Variants in FOXP1 observed in about 807,000 individuals in gnomAD.
FOXP1 encodes the protein forkhead box P1.
FOXP1 carries 15 observed loss-of-function variants against 98.2 expected under a neutral mutation model. The observed-to-expected ratio is 0.15, with a 90% CI of 0.10 to 0.24. The LOEUF (loss-of-function observed/expected upper bound fraction) is 0.24, where lower values mean the gene tolerates loss of function less well. Ranked by LOEUF, FOXP1 falls within the 10% of genes least tolerant of loss-of-function variation. The pLI is 1.00. For synonymous variants in FOXP1, 371 were observed against 314.5 expected (o/e 1.18, Z -1.90); for missense variants, 633 against 848.5 (o/e 0.75, Z 3.15).
intron 3 of FOXP1, among the ~76,000 whole-genome samples, chr3:71,427,906 CA>C (rs925555387): frequency 3.9e-5 from 6 of 152,190 alleles, no homozygotes; most frequent in South Asian, 2.1e-4. Context: ...GAATGAAGGT[CA>C]GGGGGGATTC....
intron 4 of FOXP1, among the ~76,000 whole-genome samples, chr3:71,342,683 C>T (rs1006122133): frequency 1.8e-5 from 2 of 114,230 alleles, no homozygotes; most frequent in African/African-American, 5.8e-5. Flanking sequence ...ACAGAGACTC[C>T]GTCTAAAAAA....
chr3:71,519,258 C>A (rs142455961), intron 2 of FOXP1, among the ~76,000 whole-genome samples: 3 of 152,258 alleles, frequency 2.0e-5, no homozygotes, highest in South Asian at 2.1e-4. Context: ...AACTAACTAA[C>A]TAAATAAATA....
At chr3:70,994,729 C>T (rs2041121761) in intron 13 of FOXP1, among the ~76,000 whole-genome samples, 2 of 152,210 alleles carry the variant, frequency 1.3e-5, no homozygotes, top group Admixed American at 6.5e-5. Flanking sequence ...ACCTCCACCC[C>T]CGTCGCCTGC....
chr3:71,567,366 C>T lies in FOXP1; in HGVS notation c.-298+14183G>A, dbSNP rs1188372905. Reference sequence around the variant, plus strand: ...TTCCATCACTGCCACCGAGATAAACCGAAACGCAGAGACTCCGTCATTTGC... The same window carrying T: ...TTCCATCACTGCCACCGAGATAAACTGAAACGCAGAGACTCCGTCATTTGC... On this transcript the variant is annotated intron_variant, in intron 2 of 20. Coordinates refer to ENST00000649528, the MANE Select transcript of FOXP1 (RefSeq NM_001349338.3). Among the ~76,000 whole-genome samples, 5 of 152,020 alleles carry T rather than the reference C, an allele frequency of 3.3e-5. No individual in the cohort carries two copies. In the East Asian group the frequency reaches 7.8e-4, roughly 24 times the overall value.
At chr3:71,292,211 A>G (rs183095289) in intron 5 of FOXP1, among the ~76,000 whole-genome samples, 31 of 152,240 alleles carry the variant, frequency 2.0e-4, no homozygotes, top group African/African-American at 7.2e-4. Flanking sequence ...CAACCTCCAG[A>G]AAAAAAAGAC....
intron 6 of FOXP1, among the ~76,000 whole-genome samples, chr3:71,128,631 C>G (rs2059379597): frequency 6.6e-6 from 1 of 152,104 alleles, no homozygotes; most frequent in Non-Finnish European, 1.5e-5. Context: ...CAGAATATAG[C>G]CTTCGACAAA....
chr3:71,025,770 T>G (rs546004202), intron 11 of FOXP1, among the ~76,000 whole-genome samples: 1 of 152,304 alleles, frequency 6.6e-6, no homozygotes, highest in South Asian at 2.1e-4. Context: ...TTACCAGATA[T>G]TACACTGATC....
chr3:70,962,152 T>C (rs1327307244), intron 20 of FOXP1, among the ~76,000 whole-genome samples: 1 of 152,248 alleles, frequency 6.6e-6, no homozygotes, highest in Admixed American at 6.5e-5. Context: ...GCAGGAATGC[T>C]ATTTTTTAAA....
chr3:71,436,454 T>C (rs993950250), intron 3 of FOXP1, among the ~76,000 whole-genome samples: 2 of 144,804 alleles, frequency 1.4e-5, no homozygotes, highest in Non-Finnish European at 3.0e-5. Context: ...CCTTCTGGAT[T>C]TAACACTGCA....
intron 2 of FOXP1, among the ~76,000 whole-genome samples, chr3:71,538,775 G>A (rs1236119847): frequency 6.6e-6 from 1 of 152,184 alleles, no homozygotes; most frequent in Non-Finnish European, 1.5e-5. Flanking sequence ...TGGTCATGAA[G>A]AAGATTTATT....
At chr3:71,169,135 G>A (rs985951003) in intron 6 of FOXP1, among the ~76,000 whole-genome samples, 10 of 152,160 alleles carry the variant, frequency 6.6e-5, no homozygotes, top group Non-Finnish European at 1.2e-4. Flanking sequence ...AGGTGGTGCC[G>A]TGACTATCAA....
chr3:71,263,121 G>A (rs1045418028), intron 5 of FOXP1, among the ~76,000 whole-genome samples: 1 of 152,102 alleles, frequency 6.6e-6, no homozygotes, highest in Admixed American at 6.5e-5. Flanking sequence ...CTGCCCTTCA[G>A]AACACCTCTA....
In FOXP1 at chr3:71,236,972, G is replaced by A. The variant is rs138558573; in HGVS notation, c.-11-38580C>T. Among the ~76,000 whole-genome samples, 41 of 151,766 alleles carry A rather than the reference G, an allele frequency of 2.7e-4. No individual in the cohort carries two copies. In the East Asian group the frequency reaches 5.2e-3, roughly 19 times the overall value. On this transcript the variant is annotated intron_variant, in intron 5 of 20. Coordinates refer to ENST00000649528, the MANE Select transcript of FOXP1 (RefSeq NM_001349338.3). ...AATTGGGCCAGGTGCGGTGGCTCAT[G>A]TCTGTAATCCCAGCACTTTGAAAGG...
intron 3 of FOXP1, among the ~76,000 whole-genome samples, chr3:71,420,127 T>C (rs2083523255): frequency 6.6e-6 from 1 of 152,174 alleles, no homozygotes; most frequent in African/African-American, 2.4e-5. Context: ...TTCTTTCTTT[T>C]CTGGCCCACC....
intron 4 of FOXP1, among the ~76,000 whole-genome samples, chr3:71,342,694 A>AAG (rs1017211246): frequency 6.6e-6 from 1 of 151,932 alleles, no homozygotes; most frequent in Non-Finnish European, 1.5e-5. Flanking sequence ...GTCTAAAAAA[A>AAG]AAAAAGCAAA....
chr3:71,194,900 C>T (rs867669796), intron 6 of FOXP1, among the ~76,000 whole-genome samples: 5 of 152,230 alleles, frequency 3.3e-5, no homozygotes, highest in Admixed American at 6.5e-5. Context: ...AGTGTGTTGG[C>T]GGGCTCTACC....
At chr3:71,274,169 G>T (rs1254552245) in intron 5 of FOXP1, among the ~76,000 whole-genome samples, 1 of 152,202 alleles carries the variant, frequency 6.6e-6, no homozygotes, top group African/African-American at 2.4e-5. Context: ...AGTTTCCTGA[G>T]ATCTGCAGAC....
chr3:71,566,020 A>C (rs1345042736), intron 2 of FOXP1, among the ~76,000 whole-genome samples: 1 of 152,206 alleles, frequency 6.6e-6, no homozygotes, highest in African/African-American at 2.4e-5. Flanking sequence ...CCAAGGAAAC[A>C]ACCAATTCTC....
intron 6 of FOXP1, among the ~76,000 whole-genome samples, chr3:71,186,383 G>C (rs2062645151): frequency 6.6e-6 from 1 of 152,200 alleles, no homozygotes; most frequent in Non-Finnish European, 1.5e-5. Flanking sequence ...AAGTAATTTT[G>C]CCACTCCAGA....
Sources: gnomAD v4.1 joint callset for allele counts (sites outside exome capture counted in the v4.1 genomes callset) on GRCh38, gnomAD v4.1.1 for gene constraint, MANE v1.5 for transcripts, NCBI Gene and HGNC (gene_info 2026-07-23, HGNC 2026-07-21) for gene names.